Variants in ACER3 observed in about 807,000 individuals in gnomAD.
ACER3 encodes the protein alkCDase 3.
ACER3 carries 16 observed loss-of-function variants against 48.9 expected under a neutral mutation model. The ratio of observed to expected loss-of-function variants is 0.33; its 90% confidence interval spans 0.22 to 0.50. ACER3 has a LOEUF of 0.50. Among genes scored for constraint, ACER3 ranks in the 20% least tolerant of loss-of-function variants. ACER3 has a pLI of 0.98. For missense variants in ACER3, 227 were observed against 326.0 expected (o/e 0.70, Z 2.34); for synonymous variants, 109 against 107.8 (o/e 1.01, Z -0.07).
intron 1 of ACER3, among the ~76,000 whole-genome samples, chr11:76,888,100 T>C (rs1945716937): frequency 6.6e-6 from 1 of 152,118 alleles, no homozygotes; most frequent in Admixed American, 6.6e-5. Context: ...AATTATAGCC[T>C]GACTTGCTTA....
At chr11:76,868,401 G>C in intron 1 of ACER3, 1 of 481,096 alleles carries the variant, frequency 2.1e-6, no homozygotes, top group African/African-American at 2.1e-5. Flanking sequence ...CTGTGTGTGT[G>C]TGTGTGTGTG....
intron 1 of ACER3, among the ~76,000 whole-genome samples, chr11:76,921,925 C>T (rs1467506925): frequency 6.6e-6 from 1 of 152,004 alleles, no homozygotes; most frequent in African/African-American, 2.4e-5. Flanking sequence ...TATATTATGC[C>T]TTTATATGAG....
chr11:76,913,449 G>A (rs887801730), intron 1 of ACER3, among the ~76,000 whole-genome samples: 3 of 152,172 alleles, frequency 2.0e-5, no homozygotes, highest in African/African-American at 7.2e-5. Context: ...TCTTGTGCCA[G>A]TTTTCAAAGG....
intron 1 of ACER3, among the ~76,000 whole-genome samples, chr11:76,922,443 T>C (rs1946710593): frequency 6.6e-6 from 1 of 152,170 alleles, no homozygotes; most frequent in Admixed American, 6.6e-5. Context: ...CAACATCTCC[T>C]ACAGGTTTAC....
intron 1 of ACER3, among the ~76,000 whole-genome samples, chr11:76,915,271 C>CCT (rs1208793697): frequency 6.6e-6 from 1 of 151,724 alleles, no homozygotes; most frequent in Non-Finnish European, 1.5e-5. Context: ...TTACCTTGAT[C>CCT]CTAGGACTTT....
chr11:76,889,990 T>A lies in ACER3; in HGVS notation c.103+28911T>A, dbSNP rs1188343674. Reference sequence around the variant, plus strand: ...TTTCAGTATATTTCATTTTTGCTTGTCTAATTCTGTTGCTTATTGTTTTGC... The same window carrying A: ...TTTCAGTATATTTCATTTTTGCTTGACTAATTCTGTTGCTTATTGTTTTGC... On this transcript the variant is annotated intron_variant, in intron 1 of 10. Coordinates refer to ENST00000532485, the MANE Select transcript of ACER3 (RefSeq NM_018367.7). Among the ~76,000 whole-genome samples the A allele has an allele frequency of 2.6e-5, 4 of 152,254 alleles. 1 individual carries two copies. Among genetic ancestry groups the A allele is most frequent in the African/African-American group, 9.6e-5 (4 of 41,582 alleles).
At chr11:76,990,639 T>A in intron 6 of ACER3, 65 bp downstream of exon 6, 1 of 1,097,920 alleles carries the variant, frequency 9.1e-7, no homozygotes, top group African/African-American at 1.5e-5. Context: ...GTGATTTCCT[T>A]GTCTAAGAAA....
chr11:76,947,227 G>T (rs539170950), intron 2 of ACER3, among the ~76,000 whole-genome samples: 1 of 152,254 alleles, frequency 6.6e-6, no homozygotes, highest in African/African-American at 2.4e-5. Flanking sequence ...TACTGGCAAT[G>T]AAAATATGAA....
At chr11:76,895,426 C>G (rs1816748) in intron 1 of ACER3, among the ~76,000 whole-genome samples, 103,994 of 152,032 alleles carry the variant, frequency 0.68, 35,963 homozygotes, top group Non-Finnish European at 0.74. Context: ...TTTAGGGCCA[C>G]GAGCAGAAGG....
At chr11:76,979,497 C>CA (rs1253839828) in intron 4 of ACER3, among the ~76,000 whole-genome samples, 1 of 151,972 alleles carries the variant, frequency 6.6e-6, no homozygotes, top group Non-Finnish European at 1.5e-5. Context: ...GCTAAAAATA[C>CA]AAAAAATTAG....
intron 7 of ACER3, among the ~76,000 whole-genome samples, chr11:77,002,911 A>T (rs1303840562): frequency 6.6e-6 from 1 of 152,166 alleles, no homozygotes; most frequent in East Asian, 1.9e-4. Flanking sequence ...TAGAGACACA[A>T]ATAAAATGGT....
At chr11:76,862,621 T>G (rs1944970669) in intron 1 of ACER3, among the ~76,000 whole-genome samples, 1 of 152,172 alleles carries the variant, frequency 6.6e-6, no homozygotes, top group Non-Finnish European at 1.5e-5. Flanking sequence ...AGTCTTCAAA[T>G]ATTGGATGGG....
chr11:76,996,251 C>G (rs916680035), intron 6 of ACER3, among the ~76,000 whole-genome samples: 1 of 152,072 alleles, frequency 6.6e-6, no homozygotes, highest in Non-Finnish European at 1.5e-5. Flanking sequence ...GTCTCTATCT[C>G]TCACTTAGAT....
chr11:76,964,491 A>G (rs991308037), intron 3 of ACER3, among the ~76,000 whole-genome samples: 13 of 151,298 alleles, frequency 8.6e-5, no homozygotes, highest in African/African-American at 3.2e-4. Context: ...GAAGCTTGAG[A>G]TCTGAGAACG....
intron 7 of ACER3, among the ~76,000 whole-genome samples, chr11:77,005,036 CTTTTT>C (rs57411582): frequency 2.7e-5 from 3 of 112,862 alleles, no homozygotes; most frequent in Admixed American, 8.8e-5. Context: ...TAAACTTTTT[CTTTTT>C]TTTTTTTTTT....
chr11:76,881,053 C>T (rs563979732), intron 1 of ACER3, among the ~76,000 whole-genome samples: 45 of 151,760 alleles, frequency 3.0e-4, no homozygotes, highest in Non-Finnish European at 4.7e-4. Context: ...CCCAGGAGTG[C>T]GAGACCAGCC....
intron 1 of ACER3, among the ~76,000 whole-genome samples, chr11:76,870,430 G>A (rs932968050): frequency 2.0e-5 from 3 of 152,026 alleles, no homozygotes; most frequent in African/African-American, 4.8e-5. Context: ...CACCATGCTC[G>A]GGTCACATTT....
At chr11:77,016,921 G>A (rs1239191615) in intron 9 of ACER3, 142 bp downstream of exon 9, 2 of 443,668 alleles carry the variant, frequency 4.5e-6, no homozygotes, top group South Asian at 6.8e-5. Flanking sequence ...TTGAACAACC[G>A]CTGGGTCAAA....
In ACER3 at chr11:76,977,709, C is replaced by T. The variant is rs970146175; in HGVS notation, c.320+1368C>T. 6.6e-5 allele frequency among the ~76,000 whole-genome samples: 10 copies of T among 152,252 alleles called. 1 individual carries two copies. Among genetic ancestry groups the T allele is most frequent in the South Asian group, 4.1e-4 (2 of 4,828 alleles). On this transcript the variant is annotated intron_variant, in intron 4 of 10. Coordinates refer to ENST00000532485, the MANE Select transcript of ACER3 (RefSeq NM_018367.7). ...CAGGGGAGGCAGTGCTGGTGGGGGC[C>T]GGGAACAGGTGGGAACCCCGTCCCC...
Sources: allele counts gnomAD v4.1 joint callset (sites outside exome capture counted in the v4.1 genomes callset), GRCh38; gene constraint gnomAD v4.1.1; transcripts MANE v1.5; gene names NCBI Gene and HGNC (gene_info 2026-07-23, HGNC 2026-07-21).